Variants in DCDC2C observed in about 807,000 individuals in gnomAD.
DCDC2C encodes the protein doublecortin domain-containing protein 2C.
Under a neutral mutation model 45.0 loss-of-function variants are expected in DCDC2C, and 44 were observed. The ratio of observed to expected loss-of-function variants is 0.98; its 90% CI spans 0.77 to 1.26. The LOEUF is 1.26. Among genes scored for constraint, DCDC2C ranks in the 50% most tolerant of loss-of-function variants. The pLI is 0.00. For missense variants in DCDC2C, 447 were observed against 468.9 expected (o/e 0.95, Z 0.43); for synonymous variants, 187 against 178.8 (o/e 1.05, Z -0.37).
chr2:3,772,156 TGAAGAA>T (rs1670190669), intron 8 of DCDC2C, among the ~76,000 whole-genome samples: 2 of 152,318 alleles, frequency 1.3e-5, no homozygotes, highest in South Asian at 4.1e-4. Flanking sequence ...CCTTCTAGGT[TGAAGAA>T]GGGAACCTCA....
rs1424099631 is a variant in DCDC2C, at chr2:3,818,790, C to A, written c.1066-28364C>A. ...ATACAAGGGGAGAATGTGAAGGAGG[C>A]TTTGAACTGGGGAAAAGGGTGGCAA... On this transcript the variant is annotated intron_variant, in intron 10 of 10. Transcript: ENST00000399143. This position sits in a 1 kb window ranked among gnomAD's most constrained non-coding sequence, Gnocchi z 4.7. Among the ~76,000 whole-genome samples the A allele has an allele frequency of 6.6e-6, 1 of 151,922 alleles. No homozygotes were observed. The highest frequency in any genetic ancestry group is 1.5e-5 in the Non-Finnish European group (1 of 67,994).
Position 3,742,768 on chromosome 2 carries a change from G to C in DCDC2C, c.545+720G>C, listed in dbSNP as rs563484965. Among the ~76,000 whole-genome samples the C allele has an allele frequency of 2.2e-4, 33 of 152,336 alleles. No individual in the cohort carries two copies. The South Asian group carries it at 3.7e-3, about 17-fold the overall frequency. On this transcript the variant is annotated intron_variant, in intron 4 of 10. Coordinates refer to ENST00000399143, the MANE Select transcript of DCDC2C (RefSeq NM_001287444.2). The stretch of plus-strand genomic sequence containing the variant: ...GCACAAACAAGCAGAGTGTGTTGAG[G>C]GAGCACGACACTGTCATCATAGGAA...
chr2:3,812,074 T>C (rs1671412066), intron 10 of DCDC2C, among the ~76,000 whole-genome samples: 1 of 152,168 alleles, frequency 6.6e-6, no homozygotes, highest in Non-Finnish European at 1.5e-5. Context: ...GGTTTTGGTA[T>C]CAGAATGATG....
chr2:3,764,992 T>C (rs993243102), intron 6 of DCDC2C, among the ~76,000 whole-genome samples: 1 of 152,248 alleles, frequency 6.6e-6, no homozygotes, highest in Non-Finnish European at 1.5e-5. Flanking sequence ...GTTTCTGTTG[T>C]GAGGAAACAC....
intron 5 of DCDC2C, among the ~76,000 whole-genome samples, chr2:3,754,112 C>A (rs1271888082): frequency 1.3e-5 from 2 of 152,076 alleles, no homozygotes; most frequent in Non-Finnish European, 2.9e-5. Flanking sequence ...GCTTAAATAT[C>A]TTTTCCCCTT....
At chr2:3,803,765 C>T (rs1411819453) in intron 10 of DCDC2C, among the ~76,000 whole-genome samples, 1 of 152,212 alleles carries the variant, frequency 6.6e-6, no homozygotes, top group Admixed American at 6.5e-5. Context: ...CACCTGTTTC[C>T]AGCCAGCCAT....
chr2:3,822,748 T>C lies in DCDC2C; in HGVS notation c.1066-24406T>C, dbSNP rs1053821713. On this transcript the variant is annotated intron_variant, in intron 10 of 10. Coordinates refer to ENST00000399143, the MANE Select transcript of DCDC2C (RefSeq NM_001287444.2). ...ATTTGAGCTCTTTCTTCCTTTTTAATATGGCATTTAAAGCTATACATTTCT... is the reference window on the plus strand; with the variant it reads ...ATTTGAGCTCTTTCTTCCTTTTTAACATGGCATTTAAAGCTATACATTTCT... Among the ~76,000 whole-genome samples, 6 of 152,146 alleles carry C rather than the reference T, an allele frequency of 3.9e-5. No homozygotes were observed. The South Asian group carries it at 1.0e-3, about 26-fold the overall frequency.
At chr2:3,763,235 G>A (rs574079760) in intron 6 of DCDC2C, among the ~76,000 whole-genome samples, 17 of 152,256 alleles carry the variant, frequency 1.1e-4, no homozygotes, top group African/African-American at 3.9e-4. Flanking sequence ...ATCCCTCCCT[G>A]TCTGAAGTGT....
At chr2:3,724,313 A>G (rs577134342) in intron 2 of DCDC2C, among the ~76,000 whole-genome samples, 3 of 152,202 alleles carry the variant, frequency 2.0e-5, no homozygotes, top group East Asian at 1.9e-4. Flanking sequence ...GCAGCTCTCT[A>G]TTCTGACGAA....
At chr2:3,727,439 T>TA (rs1157394634) in intron 3 of DCDC2C, among the ~76,000 whole-genome samples, 3 of 152,202 alleles carry the variant, frequency 2.0e-5, no homozygotes, top group Non-Finnish European at 4.4e-5. Context: ...ATTTTTTTTT[T>TA]AATGTAGCAG....
intron 3 of DCDC2C, among the ~76,000 whole-genome samples, chr2:3,739,608 G>A (rs923504263): frequency 1.5e-4 from 23 of 152,242 alleles, no homozygotes; most frequent in African/African-American, 5.5e-4. Context: ...GAGTGCTGGG[G>A]TTCCGAGAGG....
chr2:3,825,824 C>A (rs13389517), intron 10 of DCDC2C, among the ~76,000 whole-genome samples: 31,769 of 152,058 alleles, frequency 0.21, 3,491 homozygotes, highest in South Asian at 0.34. Context: ...GTTAGCCCGG[C>A]TCTCGTGTCT....
intron 6 of DCDC2C, among the ~76,000 whole-genome samples, chr2:3,757,463 T>TA (rs200338908): frequency 2.7e-4 from 41 of 151,942 alleles, no homozygotes; most frequent in Admixed American, 6.6e-4. Context: ...TTTGCAAGCT[T>TA]AAAAAAAAGT....
intron 3 of DCDC2C, among the ~76,000 whole-genome samples, chr2:3,727,516 C>A (rs1572564213): frequency 1.3e-5 from 2 of 152,232 alleles, no homozygotes; most frequent in South Asian, 4.1e-4. Flanking sequence ...CTCTTGCTAC[C>A]AAAAGGCCCT....
chr2:3,841,808 A>G (rs575087191), intron 10 of DCDC2C, among the ~76,000 whole-genome samples: 2 of 152,306 alleles, frequency 1.3e-5, no homozygotes, highest in Admixed American at 1.3e-4. Context: ...TGCTTGGCAC[A>G]TAGTCATACA....
At chr2:3,781,402 T>G (rs1306227591) in intron 9 of DCDC2C, among the ~76,000 whole-genome samples, 1 of 152,266 alleles carries the variant, frequency 6.6e-6, no homozygotes, top group Non-Finnish European at 1.5e-5. Context: ...TTGTGTCCTG[T>G]CAACTTATGT....
rs1321578095 is a variant in DCDC2C, at chr2:3,703,585, CGTCCCCGTCCA to C, written c.-165_-155del. ...CTCCGCCCGCCTGGCAGCCCCGTCC[CGTCCCCGTCCA>C]GCCCCCGTCCCGTCCCCGTCCCGTC... is the stretch of plus-strand genomic sequence containing the variant. On this transcript the variant is annotated 5_prime_UTR_variant, in exon 1 of 11. Transcript: ENST00000399143. This position sits in a 1 kb window ranked among gnomAD's most constrained non-coding sequence, Gnocchi z 4.4. The C allele has an allele frequency of 2.8e-5, 18 of 639,852 alleles. No individual in the cohort carries two copies. The African/African-American group carries it at 4.2e-4, about 15-fold the overall frequency. The allele number at this position is 639,852 out of a possible 1,614,324, so 39.6% of individuals were successfully genotyped here. A position where few individuals can be genotyped will look rare whatever the true frequency, so the allele number is the denominator to read the frequency against.
intron 10 of DCDC2C, among the ~76,000 whole-genome samples, chr2:3,838,858 A>G (rs921013806): frequency 7.9e-5 from 12 of 152,206 alleles, no homozygotes; most frequent in African/African-American, 2.4e-4. Context: ...AATTAGAACT[A>G]AGTTCTTATT....
chr2:3,715,211 GT>G (rs1399180966), intron 2 of DCDC2C, among the ~76,000 whole-genome samples: 1 of 152,050 alleles, frequency 6.6e-6, no homozygotes, highest in Non-Finnish European at 1.5e-5. Flanking sequence ...ATACTTTTTA[GT>G]GGATTTAGAA....
Sources: gnomAD v4.1 joint callset for allele counts (sites outside exome capture counted in the v4.1 genomes callset) on GRCh38, gnomAD v4.1.1 for gene constraint, Gnocchi (gnomAD v3.1) non-coding constraint, MANE v1.5 for transcripts, NCBI Gene and HGNC (gene_info 2026-07-23, HGNC 2026-07-21) for gene names.